The following CNTRL variants were observed in gnomAD, a reference collection of about 807,000 sequenced individuals.
CNTRL encodes the protein 110 kDa centrosomal protein.
CNTRL carries 233 observed loss-of-function variants against 303.7 expected under a neutral mutation model. The observed-to-expected ratio is 0.77, with a 90% CI of 0.69 to 0.86. The LOEUF (loss-of-function observed/expected upper bound fraction) is 0.86, where lower values mean the gene tolerates loss of function less well. Ranked by LOEUF, CNTRL falls within the 40% of genes least tolerant of loss-of-function variation. CNTRL has a pLI of 0.00. For missense variants in CNTRL, 2,524 were observed against 2,650.6 expected, an observed-to-expected ratio of 0.95 and a Z score of 1.05; for synonymous variants, 900 against 922.2, an observed-to-expected ratio of 0.98 and a Z score of 0.44.
chr9:121,090,187 G>A (rs950328450), intron 3 of CNTRL, 88 bp from the exon 4 acceptor site: 4 of 1,265,722 alleles, frequency 3.2e-6, no homozygotes, highest in Non-Finnish European at 1.0e-6. Context: ...CTTAATTTTT[G>A]TTTTTGTTAC....
intron 21 of CNTRL, 112 bp downstream of exon 21, chr9:121,145,071 A>T (rs1459305228): frequency 8.7e-7 from 1 of 1,152,036 alleles, no homozygotes; most frequent in Admixed American, 1.9e-5. Context: ...TCAATAGTTA[A>T]TAAGTACTTT....
At chr9:121,161,442 T>C in intron 32 of CNTRL, 1 of 360,870 alleles carries the variant, frequency 2.8e-6, no homozygotes, top group East Asian at 3.8e-5. Context: ...TTTTAGTTGA[T>C]TCTTTTATGT....
rs527578825 is a variant in CNTRL at position 121,115,648 on chromosome 9, G to A, written c.1455+448G>A. ...ACATATTCTCAAAAATTACCAAAGT[G>A]TGTTGTAAAGTAAGCGAGTAAGCAG... On this transcript the variant is annotated intron_variant, in intron 11 of 43. Transcript: ENST00000373855. Among the ~76,000 whole-genome samples, 5 of 152,232 alleles carry A rather than the reference G, an allele frequency of 3.3e-5. No homozygotes were observed. In the East Asian group the frequency reaches 7.7e-4, roughly 23 times the overall value.
At chr9:121,099,295 G>A (rs1231184814) in intron 7 of CNTRL, among the ~76,000 whole-genome samples, 2 of 152,182 alleles carry the variant, frequency 1.3e-5, no homozygotes, top group Admixed American at 1.3e-4. Flanking sequence ...AACAGGGTCT[G>A]GAGTGGACCT....
rs769325388 is a variant in CNTRL, at chr9:121,160,137, A to C, written c.4930-6A>C. 3 of 1,457,888 alleles carry C rather than the reference A, an allele frequency of 2.1e-6. No homozygotes were observed. Among genetic ancestry groups the C allele is most frequent in the Non-Finnish European group, 1.8e-6 (2 of 1,106,716 alleles). The allele number at this position is 1,457,888 out of a possible 1,614,324, so 90.3% of individuals were successfully genotyped here. ...GAGGGAATAACTTTTTTTTTTTCAAACACAGGAAGTAAAATCTCTTCTGGA... is the reference window on the plus strand; with the variant it reads ...GAGGGAATAACTTTTTTTTTTTCAACCACAGGAAGTAAAATCTCTTCTGGA... On this transcript the variant is annotated splice_polypyrimidine_tract_variant and splice_region_variant and intron_variant, in intron 31 of 43. Coordinates refer to ENST00000373855, the MANE Select transcript of CNTRL (RefSeq NM_007018.6).
In CNTRL at chr9:121,141,400, G is replaced by A; in HGVS notation, c.2503G>A (p.Val835Ile). Residue 835 changes from valine (V) to isoleucine (I), a missense_variant, in exon 18 of 44, where the codon GTC becomes ATC. By Grantham distance (29) the Val-to-Ile change is conservative. Transcript: ENST00000373855. ...TACTAGCATCCATAGTCCTTCAGAT[G>A]TCTTAGGGAAAAGTCTTGCTGATTT... ...GEMNIHSPSD[V>I]LGKSLADLQK... The A allele has an allele frequency of 1.2e-6, 2 of 1,613,578 alleles. No homozygotes were observed. The highest frequency in any genetic ancestry group is 1.7e-6 in the Non-Finnish European group (2 of 1,179,634).
chr9:121,076,379 G>C (rs552554388), intron 1 of CNTRL, among the ~76,000 whole-genome samples: 1 of 152,082 alleles, frequency 6.6e-6, no homozygotes, highest in Non-Finnish European at 1.5e-5. Context: ...TAATAGGATG[G>C]AGAAGGATAC....
At chr9:121,148,121 G>T (rs2051991112) in intron 23 of CNTRL, among the ~76,000 whole-genome samples, 1 of 152,084 alleles carries the variant, frequency 6.6e-6, no homozygotes, top group African/African-American at 2.4e-5. Context: ...AGAGAACAGA[G>T]GCTGACACCC....
Position 121,100,219 on chromosome 9 carries a change from ACT to A in CNTRL, c.808+1650_808+1651del, listed in dbSNP as rs2049088356. 3.3e-5 allele frequency among the ~76,000 whole-genome samples: 5 copies of A among 152,330 alleles called. No individual in the cohort carries two copies. The South Asian group carries it at 1.0e-3, about 32-fold the overall frequency. On this transcript the variant is annotated intron_variant, in intron 7 of 43. Transcript: ENST00000373855. Reference sequence around the variant, plus strand: ...ACTAACAGCCGATCTCTTGGCAGAAACTCTGCAAGCCAGAAGAGAGTAGGGGC... The same window carrying A: ...ACTAACAGCCGATCTCTTGGCAGAAACTGCAAGCCAGAAGAGAGTAGGGGC...
intron 7 of CNTRL, among the ~76,000 whole-genome samples, chr9:121,100,526 T>A (rs2049106918): frequency 6.6e-6 from 1 of 152,198 alleles, no homozygotes; most frequent in Admixed American, 6.5e-5. Context: ...CCAGCTAACA[T>A]CATAATGAAA....
chr9:121,079,860 A>AT (rs142018727), intron 1 of CNTRL, among the ~76,000 whole-genome samples: 4,075 of 151,796 alleles, frequency 0.027, 181 homozygotes, highest in African/African-American at 0.094. Context: ...TTCCTTCAGG[A>AT]TTTTTTTTGT....
At chr9:121,098,976 G>C (rs2132622266) in intron 7 of CNTRL, among the ~76,000 whole-genome samples, 1 of 152,302 alleles carries the variant, frequency 6.6e-6, no homozygotes, top group South Asian at 2.1e-4. Flanking sequence ...GGAGCAGCTT[G>C]TTCTTTGAGG....
rs557913543 is a variant in CNTRL, at chr9:121,145,116, C to T, written c.3169-128C>T. ...TGTGTGCCAGGCTTGGTGCAGTTTC[C>T]AAGTAATGCAGTTTCCTCACTGGGA... is the stretch of plus-strand genomic sequence containing the variant. On this transcript the variant is annotated intron_variant, in intron 21 of 43. Transcript: ENST00000373855. 2.5e-6 allele frequency: 3 copies of T among 1,214,562 alleles called. No homozygotes were observed. In the African/African-American group the frequency reaches 4.6e-5, roughly 18 times the overall value. The allele number at this position is 1,214,562 out of a possible 1,614,324, so 75.2% of individuals were successfully genotyped here.
At chr9:121,143,499 G>A (rs2051646342) in intron 19 of CNTRL, among the ~76,000 whole-genome samples, 1 of 152,096 alleles carries the variant, frequency 6.6e-6, no homozygotes, top group African/African-American at 2.4e-5. Flanking sequence ...AGCCTACGAG[G>A]CCTACATGAT....
chr9:121,160,447 T>TCTG, intron 32 of CNTRL, 145 bp downstream of exon 32: 1 of 432,952 alleles, frequency 2.3e-6, no homozygotes, highest in Non-Finnish European at 3.8e-6. Flanking sequence ...ATAAAAGGAA[T>TCTG]ATGATATTTT....
At chr9:121,148,595 G>A in intron 23 of CNTRL, 77 bp from the exon 24 acceptor site, 1 of 1,349,722 alleles carries the variant, frequency 7.4e-7, no homozygotes, top group Non-Finnish European at 1.0e-6. Context: ...TCTCAACTTT[G>A]CTGTAGACTT....
Position 121,107,974 on chromosome 9 carries a change from C to A in CNTRL, c.981C>A (p.Asp327Glu). ...AGAGCTGTGAGGAACTCAAGAGTGA[C>A]TTAAACACAAAAAATGAATTGGTAA... is the stretch of plus-strand genomic sequence containing the variant. ...QKQSCEELKS[D>E]LNTKNELLKQ... Residue 327 changes from aspartate (D) to glutamate (E), a missense_variant, in exon 8 of 44, where the codon GAC becomes GAA. Physicochemically the swap from Asp to Glu is conservative, Grantham distance 45. Coordinates refer to ENST00000373855, the MANE Select transcript of CNTRL (RefSeq NM_007018.6). 3 of 1,577,478 alleles carry A rather than the reference C, an allele frequency of 1.9e-6. No individual in the cohort carries two copies. Among genetic ancestry groups the A allele is most frequent in the Admixed American group, 2.0e-5 (1 of 49,210 alleles).
At chr9:121,158,798 A>T (rs2131703523) in intron 30 of CNTRL, 57 bp from the exon 31 acceptor site, 1 of 1,485,276 alleles carries the variant, frequency 6.7e-7, no homozygotes, top group African/African-American at 1.4e-5. Flanking sequence ...TCTCCAGGTT[A>T]GCACTGAGGG....
rs1156443605 is a variant in CNTRL at position 121,112,693 on chromosome 9, T to A, written c.1122+115T>A. On this transcript the variant is annotated intron_variant, in intron 9 of 43. Coordinates refer to ENST00000373855, the MANE Select transcript of CNTRL (RefSeq NM_007018.6). ...TTGATCAGATATCACTCCACTTTCT[T>A]GTTATGAGAGGATTAAACTGTATTT... 3.7e-6 allele frequency: 4 copies of A among 1,086,028 alleles called. No individual in the cohort carries two copies. In the African/African-American group the frequency reaches 6.3e-5, roughly 17 times the overall value. The allele number at this position is 1,086,028 out of a possible 1,614,324, so 67.3% of individuals were successfully genotyped here. A position where few individuals can be genotyped will look rare whatever the true frequency, so the allele number is the denominator to read the frequency against.
Sources: gnomAD v4.1 joint callset for allele counts (sites outside exome capture counted in the v4.1 genomes callset) on GRCh38, gnomAD v4.1.1 for gene constraint, MANE v1.5 for transcripts, NCBI Gene and HGNC (gene_info 2026-07-23, HGNC 2026-07-21) for gene names.